ZNF700: variants seen among roughly 807,000 people sequenced by gnomAD.
ZNF700 encodes the protein zinc finger protein 700.
A neutral mutation model predicts 65.3 loss-of-function variants in ZNF700; 38 were observed. The ratio of observed to expected loss-of-function variants is 0.58; its 90% CI spans 0.45 to 0.76. The LOEUF is 0.76. Among genes scored for constraint, ZNF700 ranks in the 30% least tolerant of loss-of-function variants. The pLI, the probability that ZNF700 is intolerant of heterozygous loss-of-function variation, is 0.00. For missense variants in ZNF700, 857 were observed against 888.4 expected, an observed-to-expected ratio of 0.96 and a Z score of 0.45; for synonymous variants, 285 against 290.4, an observed-to-expected ratio of 0.98 and a Z score of 0.19.
intron 1 of ZNF700, among the ~76,000 whole-genome samples, chr19:11,925,843 A>G (rs1972618739): frequency 6.6e-6 from 1 of 152,092 alleles, no homozygotes; most frequent in East Asian, 1.9e-4. Flanking sequence ...GGGAAACACA[A>G]CCCCAAGCAG....
In ZNF700 at chr19:11,925,280, G is replaced by C. The variant is rs185329083; in HGVS notation, c.63+7G>C. ...ATCTGAAAGCCGGGAAATGGTGCGT[G>C]TGCGGGACCAGATGTCGTGAGACGG... On this transcript the variant is annotated splice_region_variant and intron_variant, in intron 1 of 3. Transcript: ENST00000254321. 8.7e-6 allele frequency: 14 copies of C among 1,611,918 alleles called. No individual in the cohort carries two copies. The East Asian group carries it at 2.9e-4, about 33-fold the overall frequency.
At chr19:11,941,134 A>C (rs192089321) in intron 1 of ZNF700, among the ~76,000 whole-genome samples, 10 of 151,144 alleles carry the variant, frequency 6.6e-5, no homozygotes, top group Non-Finnish European at 1.2e-4. Flanking sequence ...TACAAACCTT[A>C]AGCTAGATAC....
At chr19:11,926,960 A>G (rs562202045) in intron 1 of ZNF700, among the ~76,000 whole-genome samples, 7 of 152,324 alleles carry the variant, frequency 4.6e-5, no homozygotes, top group African/African-American at 1.7e-4. Flanking sequence ...TTGTATTACC[A>G]GGAAAAGAGG....
chr19:11,926,859 C>T (rs1173161908), intron 1 of ZNF700, among the ~76,000 whole-genome samples: 1 of 152,096 alleles, frequency 6.6e-6, no homozygotes, highest in Non-Finnish European at 1.5e-5. Flanking sequence ...AGAGTTTATT[C>T]AAGCGGAAGG....
chr19:11,927,542 CTT>C (rs979599873), intron 1 of ZNF700, among the ~76,000 whole-genome samples: 1 of 152,092 alleles, frequency 6.6e-6, no homozygotes, highest in Non-Finnish European at 1.5e-5. Flanking sequence ...AACGTACTGT[CTT>C]TAAGTTTTTC....
chr19:11,935,305 C>T (rs545163702), intron 1 of ZNF700, among the ~76,000 whole-genome samples: 6 of 129,888 alleles, frequency 4.6e-5, no homozygotes, highest in South Asian at 2.7e-4. Context: ...GGTGTAATCT[C>T]GGCTCACTGC....
intron 1 of ZNF700, chr19:11,926,541 A>C (rs1383356268): frequency 6.5e-6 from 1 of 152,788 alleles, no homozygotes; most frequent in Admixed American, 6.5e-5. Context: ...GGCATGCACC[A>C]CTATGCCCTC....
chr19:11,925,337 G>A (rs1251729186), intron 1 of ZNF700, 64 bp downstream of exon 1: 8 of 1,595,212 alleles, frequency 5.0e-6, no homozygotes, highest in Non-Finnish European at 6.8e-6. Flanking sequence ...GCGGGAACCG[G>A]CTGTGGCGGG....
At chr19:11,945,682 G>C (rs1368582492) in intron 1 of ZNF700, among the ~76,000 whole-genome samples, 1 of 152,078 alleles carries the variant, frequency 6.6e-6, no homozygotes, top group Non-Finnish European at 1.5e-5. Context: ...CTTATCTCTT[G>C]ACCTGGCTCG....
At position 11,948,955 on chromosome 19, in the gene ZNF700, T is replaced by A; in HGVS notation, c.931T>A (p.Cys311Ser). Reference protein sequence around the residue: ...MGEKPYQCKECGKAFAYTSSL... With the variant: ...MGEKPYQCKESGKAFAYTSSL... ...AGAGAAGCCTTATCAATGCAAAGAA[T>A]GTGGAAAAGCATTTGCATATACCAG... Residue 311 changes from cysteine (C) to serine (S), a missense_variant, in exon 4 of 4, where the codon TGT becomes AGT. Physicochemically the swap from Cys to Ser is moderately radical, Grantham distance 112. Transcript: ENST00000254321. The A allele has an allele frequency of 6.2e-7, 1 of 1,608,484 alleles. No homozygotes were observed. The highest frequency in any genetic ancestry group is 8.5e-7 in the Non-Finnish European group (1 of 1,178,804).
Position 11,948,501 on chromosome 19 carries a change from T to C in ZNF700, c.477T>C (p.Tyr159=), listed in dbSNP as rs1294675730. 2 of 1,613,936 alleles carry C rather than the reference T, an allele frequency of 1.2e-6. No individual in the cohort carries two copies. Among genetic ancestry groups the C allele is most frequent in the African/African-American group, 2.7e-5 (2 of 75,024 alleles). ...ACAAGGCATATGAGTATCAGGAATATGGACCAAAGCCATATAAGTGTCAAC... is the reference window on the plus strand; with the variant it reads ...ACAAGGCATATGAGTATCAGGAATACGGACCAAAGCCATATAAGTGTCAAC... ...TGHKAYEYQE[Y]GPKPYKCQQP... is the part of the protein sequence containing the mutation. The change falls in exon 4 of 4, where the codon TAT becomes TAC. Residue 159 remains tyrosine, a synonymous_variant. Transcript: ENST00000254321.
chr19:11,945,651 C>T (rs955739578), intron 1 of ZNF700, among the ~76,000 whole-genome samples: 4 of 152,062 alleles, frequency 2.6e-5, no homozygotes, highest in African/African-American at 7.2e-5. Context: ...CACCTTTGAC[C>T]ATCACTTAGC....
intron 1 of ZNF700, among the ~76,000 whole-genome samples, chr19:11,941,351 C>G (rs901636351): frequency 1.3e-5 from 2 of 152,210 alleles, no homozygotes; most frequent in African/African-American, 4.8e-5. Flanking sequence ...CAGGGGGCGG[C>G]GCTCATCGGG....
At chr19:11,934,025 A>G (rs1274999190) in intron 1 of ZNF700, among the ~76,000 whole-genome samples, 1 of 147,406 alleles carries the variant, frequency 6.8e-6, no homozygotes, top group Admixed American at 6.7e-5. Context: ...GGGTGTTACC[A>G]TAGTTTCTTT....
intron 1 of ZNF700, 147 bp downstream of exon 1, chr19:11,925,420 C>T (rs1972610819): frequency 1.5e-6 from 2 of 1,336,978 alleles, no homozygotes; most frequent in Non-Finnish European, 9.9e-7. Context: ...CCTCGGTCCC[C>T]TTGGCCGCTG....
intron 1 of ZNF700, 119 bp from the exon 2 acceptor site, chr19:11,947,062 C>A: frequency 6.9e-7 from 1 of 1,453,360 alleles, no homozygotes; most frequent in Non-Finnish European, 9.2e-7. Context: ...ATCTGATAAC[C>A]GAAGCAGGGA....
At chr19:11,925,959 G>A (rs967540487) in intron 1 of ZNF700, among the ~76,000 whole-genome samples, 2 of 152,172 alleles carry the variant, frequency 1.3e-5, no homozygotes, top group East Asian at 1.9e-4. Context: ...AAAGGTGTAA[G>A]TTCCATTGGC....
At position 11,949,520 on chromosome 19, in the gene ZNF700, T is replaced by A; in HGVS notation, c.1496T>A (p.Ile499Lys). 1 of 1,609,710 alleles carries A rather than the reference T, an allele frequency of 6.2e-7. No individual in the cohort carries two copies. Among genetic ancestry groups the A allele is most frequent in the South Asian group, 1.1e-5 (1 of 90,608 alleles). The change falls in exon 4 of 4, where the codon ATA becomes AAA. Residue 499 changes from isoleucine to lysine, a missense_variant. This residue lies in a region of ZNF700 where 603 missense variants were observed against 619.9 expected (regional missense o/e 0.97). Coordinates refer to ENST00000254321, the MANE Select transcript of ZNF700 (RefSeq NM_144566.3). ...ATTCATGAAAGGACAGAAAAACACATAAGAATGCCCTCTGGAGAAAGACCT... is the reference window on the plus strand; with the variant it reads ...ATTCATGAAAGGACAGAAAAACACAAAAGAATGCCCTCTGGAGAAAGACCT... ...LQIHERTEKH[I>K]RMPSGERPYK...
chr19:11,944,047 A>G (rs1972923700), intron 1 of ZNF700, among the ~76,000 whole-genome samples: 2 of 152,106 alleles, frequency 1.3e-5, no homozygotes, highest in Non-Finnish European at 2.9e-5. Flanking sequence ...CCCTTCCACC[A>G]TGGGCACAAG....
Sources: allele counts gnomAD v4.1 joint callset (sites outside exome capture counted in the v4.1 genomes callset), GRCh38; gene constraint gnomAD v4.1.1; regional missense constraint gnomAD v4.1.1; transcripts MANE v1.5; gene names NCBI Gene and HGNC (gene_info 2026-07-23, HGNC 2026-07-21).